The following GAN variants were observed in gnomAD, a reference collection of about 807,000 sequenced individuals.
GAN encodes gigaxonin, also known as epididymis secretory sperm binding protein.
In GAN, 48 loss-of-function variants were observed where a neutral mutation model predicts 71.3. That is an observed-to-expected ratio of 0.67 (90% CI 0.53 to 0.86). The LOEUF (loss-of-function observed/expected upper bound fraction) is 0.86, where lower values mean the gene tolerates loss of function less well. Ranked by LOEUF, GAN falls within the 40% of genes least tolerant of loss-of-function variation. The pLI is 0.00. For missense variants in GAN, 928 were observed against 770.1 expected, an observed-to-expected ratio of 1.21 and a Z score of -2.43; for synonymous variants, 386 against 276.8, an observed-to-expected ratio of 1.39 and a Z score of -3.92.
chr16:81,360,930 A>G (rs1910652402), intron 5 of GAN, among the ~76,000 whole-genome samples: 2 of 152,168 alleles, frequency 1.3e-5, no homozygotes, highest in Non-Finnish European at 2.9e-5. Context: ...TTTATTAAAC[A>G]TTATTTGTAG....
intron 4 of GAN, among the ~76,000 whole-genome samples, chr16:81,357,543 T>A (rs1173174530): frequency 6.6e-6 from 1 of 152,182 alleles, no homozygotes; most frequent in Non-Finnish European, 1.5e-5. Context: ...TCTTTGCTAT[T>A]GTGAATAGTG....
At chr16:81,338,289 G>GAA (rs1909831769) in intron 1 of GAN, among the ~76,000 whole-genome samples, 2 of 152,092 alleles carry the variant, frequency 1.3e-5, no homozygotes, top group South Asian at 4.1e-4. Context: ...TAATTAAAAA[G>GAA]AATATTAAGA....
chr16:81,334,290 C>A (rs946236951), intron 1 of GAN, among the ~76,000 whole-genome samples: 1 of 152,194 alleles, frequency 6.6e-6, no homozygotes, highest in African/African-American at 2.4e-5. Flanking sequence ...AAGGATAGGA[C>A]TGTGGCTGTG....
intron 2 of GAN, among the ~76,000 whole-genome samples, chr16:81,353,464 C>G (rs1466123317): frequency 6.6e-6 from 1 of 152,090 alleles, no homozygotes; most frequent in African/African-American, 2.4e-5. Context: ...GAACATTTTC[C>G]CCTACTTGTG....
intron 1 of GAN, among the ~76,000 whole-genome samples, chr16:81,336,610 T>A (rs1597393850): frequency 6.6e-6 from 1 of 151,050 alleles, no homozygotes; most frequent in South Asian, 2.1e-4. Context: ...ACCACAGGTG[T>A]GCACACCACC....
At position 81,315,258 on chromosome 16, in the gene GAN, G is replaced by A. The variant is rs1597385703; in HGVS notation, c.145G>A (p.Ala49Thr). ...GATCCCGGTGCAGAAGAACATCCTG[G>A]CGGCGGCCAGCCCGTACATCAGGTG... ...EEIPVQKNIL[A>T]AASPYIRTKL... The change falls in exon 1 of 11, where the codon GCG becomes ACG. Residue 49 changes from alanine (A) to threonine (T), a missense_variant. Transcript: ENST00000648994. The A allele has an allele frequency of 6.4e-7, 1 of 1,571,808 alleles. No homozygotes were observed. Among genetic ancestry groups the A allele is most frequent in the Non-Finnish European group, 8.6e-7 (1 of 1,160,962 alleles).
At chr16:81,348,353 T>C (rs1191393192) in intron 1 of GAN, among the ~76,000 whole-genome samples, 1 of 152,264 alleles carries the variant, frequency 6.6e-6, no homozygotes, top group Non-Finnish European at 1.5e-5. Flanking sequence ...ATTTTTCTTT[T>C]TTCCTTGAAC....
intron 1 of GAN, among the ~76,000 whole-genome samples, chr16:81,341,356 T>C (rs537589948): frequency 6.6e-6 from 1 of 151,916 alleles, no homozygotes; most frequent in African/African-American, 2.4e-5. Context: ...AAGGTTGAAA[T>C]GAAGGAAAAA....
At chr16:81,335,785 C>T (rs1909739942) in intron 1 of GAN, among the ~76,000 whole-genome samples, 1 of 148,974 alleles carries the variant, frequency 6.7e-6, no homozygotes. Context: ...AATGATGAGT[C>T]ATTCTAAGAT....
At position 81,386,222 on chromosome 16, in the gene GAN, TAA is replaced by T. The variant is rs1904396221; in HGVS notation, c.*8629_*8630del. 1 of 152,226 alleles carries T rather than the reference TAA, an allele frequency of 6.6e-6. No homozygotes were observed. The highest frequency in any genetic ancestry group is 1.5e-5 in the Non-Finnish European group (1 of 68,046). The allele number at this position is 152,226 out of a possible 1,614,324, so 9.4% of individuals were successfully genotyped here. ...CCCAGTGAAATTCTCTAATAATACT[TAA>T]AACTCTTTACTAAAGTTGAATTTTC... On this transcript the variant is annotated 3_prime_UTR_variant, in exon 11 of 11. Transcript: ENST00000648994.
intron 9 of GAN, among the ~76,000 whole-genome samples, chr16:81,376,680 GTA>G (rs1236664766): frequency 1.3e-5 from 2 of 148,712 alleles, no homozygotes; most frequent in Admixed American, 6.6e-5. Context: ...ATACATATGT[GTA>G]TATGTGTATA....
chr16:81,334,814 T>G (rs181059607), intron 1 of GAN, among the ~76,000 whole-genome samples: 5 of 152,170 alleles, frequency 3.3e-5, no homozygotes, highest in African/African-American at 9.7e-5. Flanking sequence ...CACATGAGAA[T>G]AGTCACCAAC....
chr16:81,318,109 A>G (rs766385146), intron 1 of GAN, among the ~76,000 whole-genome samples: 39 of 152,220 alleles, frequency 2.6e-4, no homozygotes, highest in Non-Finnish European at 2.1e-4. Context: ...TTGGGCTTTT[A>G]TAATGTACTT....
chr16:81,341,168 T>C (rs1306051840), intron 1 of GAN, among the ~76,000 whole-genome samples: 1 of 152,164 alleles, frequency 6.6e-6, no homozygotes, highest in East Asian at 1.9e-4. Context: ...CTACATTTGT[T>C]TGGTGTACTT....
At position 81,386,503 on chromosome 16, in the gene GAN, A is replaced by G. The variant is rs182559139; in HGVS notation, c.*8907A>G. 29 of 152,398 alleles carry G rather than the reference A, an allele frequency of 1.9e-4. No individual in the cohort carries two copies. Among genetic ancestry groups the G allele is most frequent in the Admixed American group, 1.6e-3 (25 of 15,312 alleles). The allele number at this position is 152,398 out of a possible 1,614,324, so 9.4% of individuals were successfully genotyped here. On this transcript the variant is annotated 3_prime_UTR_variant, in exon 11 of 11. Transcript: ENST00000648994. ...GGTTATTTAACAAAGTGGTACAAAC[A>G]GTGAACTACTTAATCCTTCTATGGT...
chr16:81,351,492 T>C, intron 1 of GAN, 91 bp from the exon 2 acceptor site: 1 of 722,162 alleles, frequency 1.4e-6, no homozygotes, highest in Non-Finnish European at 2.5e-6. Flanking sequence ...TACTGATAAG[T>C]ATCTTATACG....
chr16:81,365,322 C>T lies in GAN; in HGVS notation c.1374-28C>T, dbSNP rs372011670. The T allele has an allele frequency of 5.6e-6, 9 of 1,613,146 alleles. No homozygotes were observed. In the African/African-American group the frequency reaches 9.4e-5, roughly 17 times the overall value. On this transcript the variant is annotated intron_variant, in intron 8 of 10. Transcript: ENST00000648994. ...GAGATCTCGCATTGTACAGCTTGTG[C>T]CTGATAACGCTGTGTGTGGCCTTTC...
chr16:81,345,029 T>C (rs1396107801), intron 1 of GAN, among the ~76,000 whole-genome samples: 1 of 152,044 alleles, frequency 6.6e-6, no homozygotes, highest in African/African-American at 2.4e-5. Context: ...ATTAGAGAAA[T>C]GCAAATCAAA....
At chr16:81,332,374 C>T (rs1243245591) in intron 1 of GAN, among the ~76,000 whole-genome samples, 1 of 152,060 alleles carries the variant, frequency 6.6e-6, no homozygotes, top group Non-Finnish European at 1.5e-5. Flanking sequence ...AGCTATGTGC[C>T]CTAAGTGCTT....
Sources: gnomAD v4.1 joint callset for allele counts (sites outside exome capture counted in the v4.1 genomes callset) on GRCh38, gnomAD v4.1.1 for gene constraint, MANE v1.5 for transcripts, NCBI Gene and HGNC (gene_info 2026-07-23, HGNC 2026-07-21) for gene names.